The following TCF20 variants were observed in gnomAD, a reference collection of about 807,000 sequenced individuals.
TCF20 encodes the protein transcription factor 20.
A neutral mutation model predicts 148.6 loss-of-function variants in TCF20; 3 were observed. That is an observed-to-expected ratio of 0.02 (90% CI 0.01 to 0.05). The LOEUF (loss-of-function observed/expected upper bound fraction) is 0.05. Among genes scored for constraint, TCF20 ranks in the 10% least tolerant of loss-of-function variants. TCF20 has a pLI of 1.00. For synonymous variants in TCF20, 1,049 were observed against 909.5 expected, an observed-to-expected ratio of 1.15 and a Z score of -2.76; for missense variants, 2,350 against 2,429.3, an observed-to-expected ratio of 0.97 and a Z score of 0.69.
chr22:42,167,335 C>T (rs147103709), intron 5 of TCF20, among the ~76,000 whole-genome samples: 47 of 152,312 alleles, frequency 3.1e-4, no homozygotes, highest in African/African-American at 9.4e-4. Context: ...GAGGAGGGCA[C>T]GTTCCAGAAG....
At chr22:42,278,448 C>T (rs1486104876) in intron 1 of TCF20, 1 of 152,256 alleles carries the variant, frequency 6.6e-6, no homozygotes, top group Admixed American at 6.5e-5. Flanking sequence ...TCTTTGAAAA[C>T]TATTGTAAAG....
intron 1 of TCF20, among the ~76,000 whole-genome samples, chr22:42,231,004 A>C (rs764057920): frequency 8.6e-5 from 13 of 151,986 alleles, no homozygotes; most frequent in African/African-American, 1.5e-4. Flanking sequence ...ACTAAAAAAA[A>C]CACAAAAATT....
In TCF20 at chr22:42,209,738, C is replaced by G; in HGVS notation, c.5568G>C (p.Glu1856Asp). Residue 1856 changes from glutamate (E) to aspartate (D), a missense_variant, in exon 2 of 6, where the codon GAG becomes GAC. Physicochemically the swap from Glu to Asp is conservative, Grantham distance 45. Around this residue, in one of 7 missense-constraint regions of TCF20, gnomAD observed 374 missense variants for 398.3 expected, o/e 0.94. Transcript: ENST00000677622. ...PLDSNEFWVH[E>D]GCILWANGIY... ...TTCCATTGGCCCAGAGAATACAACC[C>G]TCATGGACCCAAAATTCATTGCTGT... 6.2e-7 allele frequency: 1 copy of G among 1,614,216 alleles called. No individual in the cohort carries two copies.
intron 2 of TCF20, among the ~76,000 whole-genome samples, chr22:42,197,383 C>T (rs912894678): frequency 2.1e-5 from 3 of 145,524 alleles, no homozygotes; most frequent in African/African-American, 7.7e-5. Flanking sequence ...AGGGCAGTGG[C>T]GCGATCTCGG....
chr22:42,339,135 C>A (rs1225242274), intron 1 of TCF20, among the ~76,000 whole-genome samples: 6 of 152,196 alleles, frequency 3.9e-5, no homozygotes, highest in Non-Finnish European at 8.8e-5. Context: ...AGACACACAG[C>A]GAAGCCACAG....
chr22:42,297,560 G>A lies in TCF20; in HGVS notation c.-37+45919C>T, dbSNP rs1412918760. 6.6e-6 allele frequency among the ~76,000 whole-genome samples: 1 copy of A among 152,188 alleles called. No homozygotes were observed. Among genetic ancestry groups the A allele is most frequent in the Non-Finnish European group, 1.5e-5 (1 of 68,030 alleles). ...CTGGAGGGGCCAGACACTGGGGAGG[G>A]GCAGTTCACAGGGTCAGCCATGAAA... On this transcript the variant is annotated intron_variant, in intron 1 of 1. Coordinates refer to the TCF20 transcript ENST00000515426. This position sits in a 1 kb window ranked among gnomAD's most constrained non-coding sequence, Gnocchi z 4.3.
intron 1 of TCF20, among the ~76,000 whole-genome samples, chr22:42,245,256 T>C (rs1924808025): frequency 6.6e-6 from 1 of 152,128 alleles, no homozygotes; most frequent in Non-Finnish European, 1.5e-5. Context: ...CCCGGCTATT[T>C]TTAATTTTGT....
rs1381171848 is a variant in TCF20 at position 42,209,659 on chromosome 22, T to C, written c.5647A>G (p.Arg1883Gly). 1.2e-6 allele frequency: 2 copies of C among 1,602,976 alleles called. No homozygotes were observed. Among genetic ancestry groups the C allele is most frequent in the African/African-American group, 2.7e-5 (2 of 74,454 alleles). The change falls in exon 2 of 6, where the codon AGA (arginine) becomes GGA (glycine). Residue 1883 changes from arginine (R) to glycine (G), a missense_variant. Transcript: ENST00000677622. ...YGLQEALEIA[R>G]EMKCSHCQEA... ...AGATTTCTCATACTCACCATCTCTCTGGCTATTTCCAGCGCTTCCTGCAGG... is the reference window on the plus strand; with the variant it reads ...AGATTTCTCATACTCACCATCTCTCCGGCTATTTCCAGCGCTTCCTGCAGG...
At chr22:42,284,313 C>T (rs1189948107), upstream of TCF20, among the ~76,000 whole-genome samples, 2 of 152,246 alleles carry the variant, frequency 1.3e-5, no homozygotes, top group Non-Finnish European at 2.9e-5. Context: ...AAGGGGCCAA[C>T]GCCCACCACA....
intron 1 of TCF20, among the ~76,000 whole-genome samples, chr22:42,253,941 T>C (rs1925574307): frequency 6.6e-6 from 1 of 152,030 alleles, no homozygotes; most frequent in African/African-American, 2.4e-5. Context: ...CCGGGTGTAG[T>C]GGCGCATGCC....
intron 3 of TCF20, among the ~76,000 whole-genome samples, chr22:42,174,887 T>C (rs1296072591): frequency 1.3e-5 from 2 of 151,864 alleles, no homozygotes; most frequent in East Asian, 1.9e-4. Flanking sequence ...CAGAAAAAAT[T>C]AGCCGGGCGT....
intron 1 of TCF20, among the ~76,000 whole-genome samples, chr22:42,294,557 C>T (rs1376662945): frequency 6.6e-6 from 1 of 152,140 alleles, no homozygotes; most frequent in African/African-American, 2.4e-5. Context: ...GAGGGCAGGG[C>T]CAGGCTGTTG....
At chr22:42,218,802 G>A (rs1005319276) in intron 1 of TCF20, among the ~76,000 whole-genome samples, 1 of 146,894 alleles carries the variant, frequency 6.8e-6, no homozygotes, top group Non-Finnish European at 1.5e-5. Flanking sequence ...ATACAGGAAG[G>A]ACTCCTTCTT....
At chr22:42,191,109 T>C (rs1029931205) in intron 2 of TCF20, among the ~76,000 whole-genome samples, 2 of 152,220 alleles carry the variant, frequency 1.3e-5, no homozygotes, top group African/African-American at 4.8e-5. Flanking sequence ...GTCCCCCTTC[T>C]GGAAAATTAA....
chr22:42,254,076 CAAAAAAA>C (rs528387021), intron 1 of TCF20, among the ~76,000 whole-genome samples: 274 of 53,594 alleles, frequency 5.1e-3, no homozygotes, highest in Non-Finnish European at 6.9e-3. Context: ...AACTCCCTTT[CAAAAAAA>C]AAAAAAAAAA....
At chr22:42,312,240 C>A (rs1253529158) in intron 1 of TCF20, among the ~76,000 whole-genome samples, 4 of 152,202 alleles carry the variant, frequency 2.6e-5, no homozygotes, top group Non-Finnish European at 2.9e-5. Context: ...AAGGACTCTG[C>A]CACTGCCCCT....
intron 1 of TCF20, among the ~76,000 whole-genome samples, chr22:42,332,987 G>T (rs560573029): frequency 6.6e-6 from 1 of 152,334 alleles, no homozygotes; most frequent in Non-Finnish European, 1.5e-5. Context: ...GTCTGGATCT[G>T]GATGGAGGCT....
At chr22:42,170,626 C>CAAAAAAAAAAAAAAAAAA (rs58579686) in intron 3 of TCF20, among the ~76,000 whole-genome samples, 23 of 72,100 alleles carry the variant, frequency 3.2e-4, no homozygotes, top group African/African-American at 6.7e-4. Context: ...GACTCCGTCT[C>CAAAAAAAAAAAAAAAAAA]AAAAAAAAAA....
Position 42,214,398 on chromosome 22 carries a change from G to C in TCF20, c.908C>G (p.Ala303Gly). The C allele has an allele frequency of 1.9e-6, 3 of 1,614,094 alleles. No individual in the cohort carries two copies. The highest frequency in any genetic ancestry group is 2.5e-6 in the Non-Finnish European group (3 of 1,180,014). Residue 303 changes from alanine (A) to glycine (G), a missense_variant, in exon 2 of 6, where the codon GCA (alanine) becomes GGA (glycine). By Grantham distance (60) the Ala-to-Gly change is moderately conservative. This residue lies in a region of TCF20 where 1,641 missense variants were observed against 1,662.6 expected (regional missense o/e 0.99). Transcript: ENST00000677622. ...QPQSMKNFEQ[A>G]KIPQGTQQGQ... ...CTGTTGGGTCCCTTGTGGAATCTTT[G>C]CCTGTTCAAAATTCTTCATAGATTG...
Sources: allele counts gnomAD v4.1 joint callset (sites outside exome capture counted in the v4.1 genomes callset), GRCh38; gene constraint gnomAD v4.1.1; regional missense constraint gnomAD v4.1.1; non-coding constraint Gnocchi (gnomAD v3.1); transcripts MANE v1.5; gene names NCBI Gene and HGNC (gene_info 2026-07-23, HGNC 2026-07-21).